The following DFFB variants were observed in gnomAD, a reference collection of about 807,000 sequenced individuals.
The protein encoded by DFFB is DNA fragmentation factor 40 kDa subunit.
Under a neutral mutation model 32.7 loss-of-function variants are expected in DFFB, and 29 were observed. The observed-to-expected ratio is 0.89, with a 90% CI of 0.66 to 1.21. The LOEUF (loss-of-function observed/expected upper bound fraction) is 1.21, where lower values mean the gene tolerates loss of function less well. Among genes scored for constraint, DFFB ranks in the 50% most tolerant of loss-of-function variants. The pLI is 0.00. For synonymous variants in DFFB, 170 were observed against 177.1 expected, an observed-to-expected ratio of 0.96 and a Z score of 0.32; for missense variants, 398 against 440.6, an observed-to-expected ratio of 0.90 and a Z score of 0.87.
chr1:3,866,032 G>A (rs1225733384), intron 3 of DFFB, 32 bp downstream of exon 3: 1 of 1,506,032 alleles, frequency 6.6e-7, no homozygotes, highest in Non-Finnish European at 8.9e-7. Context: ...CAGGGGAGAG[G>A]CTTCTTTGGA....
chr1:3,872,588 G>A lies in DFFB; in HGVS notation c.782+16G>A, dbSNP rs376733287. ...TGGATCACATGTAAGCTCACAGAGC[G>A]AGGTTCAGACCCACGAGTGCCTGCA... On this transcript the variant is annotated intron_variant, in intron 6 of 6. Coordinates refer to ENST00000378209, the MANE Select transcript of DFFB (RefSeq NM_004402.4). 51 of 1,607,994 alleles carry A rather than the reference G, an allele frequency of 3.2e-5. No individual in the cohort carries two copies. The highest frequency in any genetic ancestry group is 4.0e-5 in the Non-Finnish European group (47 of 1,177,052).
At chr1:3,863,145 C>T (rs1214582393) in intron 2 of DFFB, among the ~76,000 whole-genome samples, 4 of 152,280 alleles carry the variant, frequency 2.6e-5, no homozygotes, top group Non-Finnish European at 5.9e-5. Context: ...GTATCTAATA[C>T]GGGACTTGCA....
chr1:3,872,208 A>T (rs1280652774), intron 5 of DFFB, among the ~76,000 whole-genome samples: 1 of 152,094 alleles, frequency 6.6e-6, no homozygotes, highest in East Asian at 1.9e-4. Flanking sequence ...AGGTCAAGAG[A>T]TCGAGACCAT....
intron 4 of DFFB, 51 bp from the exon 5 acceptor site, chr1:3,869,554 G>C: frequency 6.4e-7 from 1 of 1,563,866 alleles, no homozygotes; most frequent in South Asian, 1.1e-5. Flanking sequence ...AGCCAGTGCG[G>C]GTTTTGGGGC....
At chr1:3,862,573 C>T (rs1305386850) in intron 2 of DFFB, among the ~76,000 whole-genome samples, 2 of 152,132 alleles carry the variant, frequency 1.3e-5, no homozygotes, top group South Asian at 2.1e-4. Context: ...GGTCAGGATG[C>T]CAGGACCATT....
At position 3,883,989 on chromosome 1, in the gene DFFB, C is replaced by T. The variant is rs1343733243; in HGVS notation, c.*248C>T. 1.1e-5 allele frequency: 5 copies of T among 471,060 alleles called. No individual in the cohort carries two copies. Among genetic ancestry groups the T allele is most frequent in the South Asian group, 4.9e-5 (2 of 40,590 alleles). 29.2% of individuals were successfully genotyped at this position (471,060 alleles called of 1,614,324 possible). ...TTGCCCAGGCTGGAGTGTAGTGGCG[C>T]GATCTCGGCTCAGCCTCCCGAGTAG... On this transcript the variant is annotated 3_prime_UTR_variant, in exon 7 of 7. Coordinates refer to ENST00000378209, the MANE Select transcript of DFFB (RefSeq NM_004402.4).
intron 6 of DFFB, among the ~76,000 whole-genome samples, chr1:3,879,210 C>T (rs911743724): frequency 3.4e-4 from 52 of 152,322 alleles, no homozygotes; most frequent in African/African-American, 1.2e-3. Flanking sequence ...TGAGGACACA[C>T]TTTTCTTTGG....
At chr1:3,872,130 C>T (rs201118183) in intron 5 of DFFB, among the ~76,000 whole-genome samples, 2 of 152,186 alleles carry the variant, frequency 1.3e-5, no homozygotes, top group East Asian at 3.8e-4. Context: ...AGACTCACTT[C>T]TGGCCGGGCG....
At position 3,865,531 on chromosome 1, in the gene DFFB, A is replaced by G. The variant is rs373830846; in HGVS notation, c.242-281A>G. 1.5e-4 allele frequency: 86 copies of G among 567,754 alleles called. 1 individual carries two copies. Among genetic ancestry groups the G allele is most frequent in the African/African-American group, 1.4e-3 (74 of 53,158 alleles). 35.2% of individuals were successfully genotyped at this position (567,754 alleles called of 1,614,324 possible). A position where few individuals can be genotyped will look rare whatever the true frequency, so the allele number is the denominator to read the frequency against. On this transcript the variant is annotated intron_variant, in intron 2 of 6. Coordinates refer to ENST00000378209, the MANE Select transcript of DFFB (RefSeq NM_004402.4). This position sits in a 1 kb window ranked among gnomAD's most constrained non-coding sequence, Gnocchi z 4.7. ...GTGGGGGGCGTATGGTTTGGAGGGG[A>G]GGAGGCCAAATGGGAAAGCGGCCGT...
chr1:3,859,768 G>A (rs956107564), intron 2 of DFFB, among the ~76,000 whole-genome samples: 1 of 152,240 alleles, frequency 6.6e-6, no homozygotes, highest in Admixed American at 6.5e-5. Flanking sequence ...GCTGGAAAAT[G>A]TATCACTGTG....
In DFFB at chr1:3,874,123, G is replaced by A. The variant is rs974539860; in HGVS notation, c.782+1551G>A. 7.3e-5 allele frequency among the ~76,000 whole-genome samples: 11 copies of A among 151,520 alleles called. 1 individual carries two copies. Among genetic ancestry groups the A allele is most frequent in the Admixed American group, 2.0e-4 (3 of 15,258 alleles). ...GGCCCACGCTGTCATCTGCAGAGCC[G>A]TGTAGCTGCACCTTTACCACACGCG... On this transcript the variant is annotated intron_variant, in intron 6 of 6. Coordinates refer to ENST00000378209, the MANE Select transcript of DFFB (RefSeq NM_004402.4).
In DFFB at chr1:3,883,779, G is replaced by C. The variant is rs1245769414; in HGVS notation, c.*38G>C. ...ACGTCCTGGTCTTTGTTTGAGGCCT[G>C]ACGTGGGCATCATTTTAACAGGTGC... On this transcript the variant is annotated 3_prime_UTR_variant, in exon 7 of 7. Coordinates refer to ENST00000378209, the MANE Select transcript of DFFB (RefSeq NM_004402.4). The C allele has an allele frequency of 5.7e-6, 9 of 1,568,870 alleles. No homozygotes were observed. Among genetic ancestry groups the C allele is most frequent in the Non-Finnish European group, 7.9e-6 (9 of 1,145,222 alleles).
intron 6 of DFFB, chr1:3,872,994 CCTTTTT>C (rs1162335138): frequency 1.1e-5 from 14 of 1,273,882 alleles, no homozygotes; most frequent in African/African-American, 1.5e-5. Flanking sequence ...GGTGTTTTTC[CCTTTTT>C]CTTTTTCTTT....
At chr1:3,858,007 G>A (rs1644790325) in intron 1 of DFFB, among the ~76,000 whole-genome samples, 1 of 152,220 alleles carries the variant, frequency 6.6e-6, no homozygotes, top group African/African-American at 2.4e-5. Flanking sequence ...GCCAGGTACT[G>A]GCACGCGGGG....
intron 3 of DFFB, chr1:3,867,631 C>T: frequency 4.0e-6 from 1 of 248,182 alleles, no homozygotes; most frequent in Non-Finnish European, 8.0e-6. Flanking sequence ...GGCTGGAAGA[C>T]AGCTTGAGCC....
At chr1:3,871,355 C>T (rs186779024) in intron 5 of DFFB, among the ~76,000 whole-genome samples, 28 of 152,274 alleles carry the variant, frequency 1.8e-4, no homozygotes, top group Admixed American at 1.4e-3. Context: ...GGTGCGATCT[C>T]GGCTCACTGC....
rs1399887275 is a variant in DFFB at position 3,858,746 on chromosome 1, T to C, written c.143T>C (p.Leu48Pro). ...CCTGAGCGCGGTTCCCGGCTGTGCC[T>C]GTACGAGGATGGCACGGAGCTGACG... ...QLPERGSRLCLYEDGTELTED... is the reference protein window; with the variant it reads ...QLPERGSRLCPYEDGTELTED... Residue 48 changes from leucine (L) to proline (P), a missense_variant, in exon 2 of 7, where the codon CTG becomes CCG. Leu to Pro is a moderately conservative substitution (Grantham distance 98, BLOSUM62 -3). Coordinates refer to ENST00000378209, the MANE Select transcript of DFFB (RefSeq NM_004402.4). 1 of 1,614,042 alleles carries C rather than the reference T, an allele frequency of 6.2e-7. No individual in the cohort carries two copies. The highest frequency in any genetic ancestry group is 2.2e-5 in the East Asian group (1 of 44,898).
rs59447462 is a variant in DFFB at position 3,873,467 on chromosome 1, A to G, written c.782+895A>G. ...AGAGGAGATGCTCATCCGGGCATTT[A>G]GGATTTGGGATTTTTTTTTTTTTTT... On this transcript the variant is annotated intron_variant, in intron 6 of 6. Transcript: ENST00000378209. 3.7e-3 allele frequency among the ~76,000 whole-genome samples: 548 copies of G among 147,672 alleles called. 2 individuals carry two copies. Among genetic ancestry groups the G allele is most frequent in the African/African-American group, 0.013 (522 of 40,160 alleles).
At chr1:3,858,032 C>T (rs1480162596) in intron 1 of DFFB, among the ~76,000 whole-genome samples, 1 of 152,228 alleles carries the variant, frequency 6.6e-6, no homozygotes, top group Non-Finnish European at 1.5e-5. Context: ...GGCTGCTCTG[C>T]CTGTCCGGCC....
Sources: gnomAD v4.1 joint callset for allele counts (sites outside exome capture counted in the v4.1 genomes callset) on GRCh38, gnomAD v4.1.1 for gene constraint, Gnocchi (gnomAD v3.1) non-coding constraint, MANE v1.5 for transcripts, NCBI Gene and HGNC (gene_info 2026-07-23, HGNC 2026-07-21) for gene names.